Variants in TRIM71 observed in about 807,000 individuals in gnomAD.
TRIM71 encodes the protein E3 ubiquitin-protein ligase TRIM71.
A neutral mutation model predicts 61.2 loss-of-function variants in TRIM71; 9 were observed. The observed-to-expected ratio is 0.15, with a 90% confidence interval of 0.09 to 0.26. TRIM71 has a LOEUF of 0.26. TRIM71 is among the 10% of genes least tolerant of loss of function. The probability of loss-of-function intolerance (pLI) is 1.00; values close to 1 mark genes in which losing one functional copy is unlikely to be tolerated. For synonymous variants in TRIM71, 645 were observed against 553.2 expected (o/e 1.17, Z -2.33); for missense variants, 998 against 1,238.7 (o/e 0.81, Z 2.92).
In TRIM71 at chr3:32,897,554, T is replaced by C. The variant is rs1175666941; in HGVS notation, c.*5743T>C. The C allele has an allele frequency of 6.6e-6, 1 of 152,156 alleles. No individual in the cohort carries two copies. The highest frequency in any genetic ancestry group is 1.5e-5 in the Non-Finnish European group (1 of 68,032). The allele number at this position is 152,156 out of a possible 1,614,324, so 9.4% of individuals were successfully genotyped here. A position where few individuals can be genotyped will look rare whatever the true frequency, so the allele number is the denominator to read the frequency against. ...CCTCTTTTGGCTTTCACATTTTAAA[T>C]CTTAAATGTTACTATTGCAGGCCGC... On this transcript the variant is annotated 3_prime_UTR_variant, in exon 4 of 4. Transcript: ENST00000383763.
At chr3:32,866,417 T>G (rs2125686802) in intron 1 of TRIM71, among the ~76,000 whole-genome samples, 1 of 151,526 alleles carries the variant, frequency 6.6e-6, no homozygotes, top group East Asian at 2.0e-4. Context: ...TTTTTGTATT[T>G]TTAGTAGAGG....
intron 1 of TRIM71, among the ~76,000 whole-genome samples, chr3:32,841,810 T>A (rs934750051): frequency 5.9e-5 from 9 of 152,194 alleles, no homozygotes; most frequent in African/African-American, 1.7e-4. Flanking sequence ...GCTTCCTTTT[T>A]AATTTATTTT....
chr3:32,869,080 T>A (rs771131783), intron 1 of TRIM71, among the ~76,000 whole-genome samples: 33 of 152,348 alleles, frequency 2.2e-4, no homozygotes, highest in African/African-American at 7.0e-4. Flanking sequence ...CTTATCATTT[T>A]TAAAACGAAT....
intron 3 of TRIM71, among the ~76,000 whole-genome samples, 159 bp downstream of exon 3, chr3:32,886,227 C>G (rs1696960527): frequency 6.6e-6 from 1 of 152,174 alleles, no homozygotes; most frequent in South Asian, 2.1e-4. Context: ...TGCAGGGGGT[C>G]CCTGGAACAT....
intron 1 of TRIM71, among the ~76,000 whole-genome samples, chr3:32,844,668 G>A (rs1211497525): frequency 6.6e-6 from 1 of 152,080 alleles, no homozygotes; most frequent in Admixed American, 6.6e-5. Flanking sequence ...TTGTAAATTG[G>A]TAGACCTGTA....
rs370695212 is a variant in TRIM71 at position 32,838,502 on chromosome 3, C to T, written c.852+19570C>T. On this transcript the variant is annotated intron_variant, in intron 1 of 3. Coordinates refer to ENST00000383763, the MANE Select transcript of TRIM71 (RefSeq NM_001039111.3). ...CCTCCCAAAGTGCAGAGATTACAGGCGTGAGCCACTGCACCTGGCCTTTTT... is the reference window on the plus strand; with the variant it reads ...CCTCCCAAAGTGCAGAGATTACAGGTGTGAGCCACTGCACCTGGCCTTTTT... 1.4e-4 allele frequency among the ~76,000 whole-genome samples: 21 copies of T among 147,890 alleles called. No homozygotes were observed. The East Asian group carries it at 2.0e-3, about 14-fold the overall frequency.
chr3:32,841,428 A>G (rs888915105), intron 1 of TRIM71, among the ~76,000 whole-genome samples: 2 of 152,142 alleles, frequency 1.3e-5, no homozygotes, highest in African/African-American at 4.8e-5. Context: ...CTCTAATCCC[A>G]GCACTTTGGG....
At chr3:32,887,698 A>T (rs1696976541) in intron 3 of TRIM71, among the ~76,000 whole-genome samples, 1 of 151,940 alleles carries the variant, frequency 6.6e-6, no homozygotes, top group Non-Finnish European at 1.5e-5. Context: ...TGGCTACCTC[A>T]TGGGGTTAGC....
At position 32,827,776 on chromosome 3, in the gene TRIM71, A is replaced by C. The variant is rs1400768624; in HGVS notation, c.852+8844A>C. The stretch of plus-strand genomic sequence containing the variant: ...AATGGACCTTGGAGCCTGAGTGGTC[A>C]ATCAGGTCAGGCGCCTCTGAGAATG... On this transcript the variant is annotated intron_variant, in intron 1 of 3. Coordinates refer to ENST00000383763, the MANE Select transcript of TRIM71 (RefSeq NM_001039111.3). 3.3e-5 allele frequency among the ~76,000 whole-genome samples: 5 copies of C among 152,294 alleles called. No individual in the cohort carries two copies. In the East Asian group the frequency reaches 9.6e-4, roughly 29 times the overall value.
intron 1 of TRIM71, among the ~76,000 whole-genome samples, chr3:32,865,232 G>A (rs963610454): frequency 2.4e-4 from 37 of 152,192 alleles, no homozygotes; most frequent in Non-Finnish European, 3.8e-4. Flanking sequence ...AGGAGGCTGC[G>A]GCAGGAGAAT....
chr3:32,827,268 C>CT lies in TRIM71; in HGVS notation c.852+8350dup, dbSNP rs369755706. On this transcript the variant is annotated intron_variant, in intron 1 of 3. Transcript: ENST00000383763. ...TGTCATGAAGGGTAGGGGGATAATT[C>CT]TTTTTTTTTTTTTTGGGTGGAGTCT... is the stretch of plus-strand genomic sequence containing the variant. Among the ~76,000 whole-genome samples, 334 of 129,662 alleles carry CT rather than the reference C, an allele frequency of 2.6e-3. 6 individuals carry two copies. The highest frequency in any genetic ancestry group is 5.2e-3 in the Middle Eastern group (1 of 194). 85.1% of individuals were successfully genotyped at this position (129,662 alleles called of 152,430 possible). A position where few individuals can be genotyped will look rare whatever the true frequency, so the allele number is the denominator to read the frequency against.
At chr3:32,825,173 A>G (rs1312199089) in intron 1 of TRIM71, among the ~76,000 whole-genome samples, 1 of 152,170 alleles carries the variant, frequency 6.6e-6, no homozygotes, top group East Asian at 1.9e-4. Context: ...TATGGATGCA[A>G]CTTTCTCCTC....
chr3:32,841,042 C>T (rs534890491), intron 1 of TRIM71, among the ~76,000 whole-genome samples: 1 of 150,868 alleles, frequency 6.6e-6, no homozygotes, highest in East Asian at 2.0e-4. Context: ...GTCAGGAGAT[C>T]GAGACCATCC....
intron 2 of TRIM71, among the ~76,000 whole-genome samples, chr3:32,884,284 G>A (rs570612168): frequency 2.4e-4 from 36 of 152,222 alleles, no homozygotes; most frequent in South Asian, 6.2e-4. Context: ...ACCTTTGAGC[G>A]TGTCTTGCAT....
chr3:32,865,496 A>G (rs995153160), intron 1 of TRIM71, among the ~76,000 whole-genome samples: 2 of 152,122 alleles, frequency 1.3e-5, no homozygotes, highest in East Asian at 1.9e-4. Context: ...TCATGAAACT[A>G]CTTTGTCTGA....
intron 2 of TRIM71, among the ~76,000 whole-genome samples, chr3:32,883,149 G>T (rs1696927470): frequency 6.6e-6 from 1 of 152,064 alleles, no homozygotes; most frequent in Non-Finnish European, 1.5e-5. Context: ...TTTTTCCCTG[G>T]ATGAATCCTG....
intron 1 of TRIM71, among the ~76,000 whole-genome samples, chr3:32,825,059 G>GTGC: frequency 6.6e-6 from 1 of 152,176 alleles, no homozygotes; most frequent in South Asian, 2.1e-4. Flanking sequence ...ACCTCCCAAA[G>GTGC]TGCTGGGATT....
chr3:32,879,150 C>T (rs1463933072), intron 2 of TRIM71, among the ~76,000 whole-genome samples: 1 of 152,212 alleles, frequency 6.6e-6, no homozygotes. Flanking sequence ...ATCTCTCACC[C>T]TTCATAGCAT....
At chr3:32,837,139 T>C (rs1235933763) in intron 1 of TRIM71, among the ~76,000 whole-genome samples, 1 of 152,236 alleles carries the variant, frequency 6.6e-6, no homozygotes, top group Non-Finnish European at 1.5e-5. Flanking sequence ...AATGTAATCA[T>C]TGTTAACAGC....
Sources: gnomAD v4.1 joint callset for allele counts (sites outside exome capture counted in the v4.1 genomes callset) on GRCh38, gnomAD v4.1.1 for gene constraint, MANE v1.5 for transcripts, NCBI Gene and HGNC (gene_info 2026-07-23, HGNC 2026-07-21) for gene names.